The following STX8 variants were observed in gnomAD, a reference collection of about 807,000 sequenced individuals.
The protein encoded by STX8 is syntaxin 8.
In STX8, 23 loss-of-function variants were observed where a neutral mutation model predicts 37.5. The observed-to-expected ratio is 0.61, with a 90% confidence interval of 0.44 to 0.87. STX8 has a LOEUF of 0.87. Among genes scored for constraint, STX8 ranks in the 40% least tolerant of loss-of-function variants. The pLI, the probability that STX8 is intolerant of heterozygous loss-of-function variation, is 0.00. For missense variants in STX8, 313 were observed against 284.7 expected, an observed-to-expected ratio of 1.10 and a Z score of -0.71; for synonymous variants, 115 against 99.1, an observed-to-expected ratio of 1.16 and a Z score of -0.95.
At chr17:9,418,506 T>C (rs1183281002) in intron 6 of STX8, among the ~76,000 whole-genome samples, 1 of 140,678 alleles carries the variant, frequency 7.1e-6, no homozygotes, top group Non-Finnish European at 1.5e-5. Flanking sequence ...CCATGTTCTT[T>C]CCGTTTTTCT....
At chr17:9,409,249 G>A (rs7215204) in intron 6 of STX8, among the ~76,000 whole-genome samples, 75,993 of 151,908 alleles carry the variant, frequency 0.5, 19,494 homozygotes, top group African/African-American at 0.61. Context: ...GCCTTCCCCC[G>A]TGGTGCCTGC....
At chr17:9,523,756 T>C (rs541201828) in intron 4 of STX8, among the ~76,000 whole-genome samples, 16 of 152,350 alleles carry the variant, frequency 1.1e-4, no homozygotes, top group African/African-American at 3.8e-4. Flanking sequence ...TCAATACTGT[T>C]CTATGAACAA....
chr17:9,529,226 G>A lies in STX8; in HGVS notation c.323+15946C>T, dbSNP rs949297358. ...TGTTGACTTACATCTCCATCTTGTG[G>A]TCTGTTCAGGACATAGCTCTTAGAG... On this transcript the variant is annotated intron_variant, in intron 4 of 7. Transcript: ENST00000306357. Among the ~76,000 whole-genome samples the A allele has an allele frequency of 5.3e-5, 8 of 150,024 alleles. No homozygotes were observed. The East Asian group carries it at 9.9e-4, about 19-fold the overall frequency.
chr17:9,333,751 A>C (rs979432565), intron 7 of STX8, among the ~76,000 whole-genome samples: 14 of 151,504 alleles, frequency 9.2e-5, no homozygotes, highest in Non-Finnish European at 1.8e-4. Flanking sequence ...TATAACACAC[A>C]CATGTTTTTT....
intron 6 of STX8, among the ~76,000 whole-genome samples, chr17:9,400,702 G>A (rs536540324): frequency 6.6e-6 from 1 of 152,198 alleles, no homozygotes; most frequent in African/African-American, 2.4e-5. Context: ...ACCCGCGCCC[G>A]GCCGAGTCAG....
intron 6 of STX8, among the ~76,000 whole-genome samples, chr17:9,473,711 C>T (rs1286087001): frequency 1.3e-5 from 2 of 152,254 alleles, no homozygotes; most frequent in Admixed American, 1.3e-4. Flanking sequence ...GGATGCGGAA[C>T]CCACAGATAC....
chr17:9,258,733 G>C (rs1906894479), intron 7 of STX8, among the ~76,000 whole-genome samples: 1 of 152,234 alleles, frequency 6.6e-6, no homozygotes, highest in Non-Finnish European at 1.5e-5. Context: ...CAACTCTGCA[G>C]GTTTTTCTTT....
chr17:9,472,479 C>T, intron 6 of STX8, among the ~76,000 whole-genome samples: 1 of 152,208 alleles, frequency 6.6e-6, no homozygotes, highest in Non-Finnish European at 1.5e-5. Flanking sequence ...ACCAAGATTC[C>T]CCTTCCTGCA....
intron 6 of STX8, among the ~76,000 whole-genome samples, chr17:9,459,014 A>C (rs934949076): frequency 6.6e-6 from 1 of 151,790 alleles, no homozygotes; most frequent in Non-Finnish European, 1.5e-5. Context: ...TGTATTTTTT[A>C]GTAGAGACAG....
At chr17:9,567,367 T>G (rs888663891) in intron 2 of STX8, among the ~76,000 whole-genome samples, 1 of 152,348 alleles carries the variant, frequency 6.6e-6, no homozygotes, top group Middle Eastern at 3.4e-3. Flanking sequence ...TAGTCTACAC[T>G]TAAAAAGACT....
At chr17:9,325,722 T>C (rs1489393061) in intron 7 of STX8, among the ~76,000 whole-genome samples, 2 of 152,242 alleles carry the variant, frequency 1.3e-5, no homozygotes, top group Non-Finnish European at 2.9e-5. Flanking sequence ...AGTGAACATG[T>C]GTTTGCTTTC....
intron 6 of STX8, among the ~76,000 whole-genome samples, chr17:9,428,777 T>A (rs1913735742): frequency 6.6e-6 from 1 of 152,200 alleles, no homozygotes; most frequent in African/African-American, 2.4e-5. Flanking sequence ...TGGCACCATA[T>A]CTTCCAAGTT....
At chr17:9,484,770 T>A (rs1906511818) in intron 6 of STX8, among the ~76,000 whole-genome samples, 1 of 151,954 alleles carries the variant, frequency 6.6e-6, no homozygotes, top group Non-Finnish European at 1.5e-5. Context: ...GAGGTTGCCA[T>A]GAGGCGAGAT....
At chr17:9,333,438 A>G (rs926986807) in intron 7 of STX8, among the ~76,000 whole-genome samples, 9 of 152,212 alleles carry the variant, frequency 5.9e-5, no homozygotes, top group Non-Finnish European at 1.0e-4. Context: ...CCCAGGCTGG[A>G]GTGCAGTGGC....
intron 7 of STX8, among the ~76,000 whole-genome samples, chr17:9,356,929 T>G (rs868068803): frequency 3.1e-4 from 46 of 150,498 alleles, no homozygotes; most frequent in African/African-American, 1.0e-3. Flanking sequence ...TACTGCACCT[T>G]CCCCTTTTCA....
Position 9,546,590 on chromosome 17 carries a change from GGTTTTTTT to G in STX8, c.213-1316_213-1309del, listed in dbSNP as rs1330083797. The stretch of plus-strand genomic sequence containing the variant: ...CTTTCTTGATGCAAACTACAAAAGT[GGTTTTTTT>G]TTTTTTTTTTTTTTTTTGGAGACGG... On this transcript the variant is annotated intron_variant, in intron 3 of 7. Transcript: ENST00000306357. Among the ~76,000 whole-genome samples the G allele has an allele frequency of 3.1e-3, 196 of 62,242 alleles. 4 individuals are homozygous for G. The highest frequency in any genetic ancestry group is 5.0e-3 in the Admixed American group (21 of 4,202). 40.8% of individuals were successfully genotyped at this position (62,242 alleles called of 152,430 possible). A position where few individuals can be genotyped will look rare whatever the true frequency, so the allele number is the denominator to read the frequency against.
chr17:9,288,408 TC>T lies in STX8; in HGVS notation c.644-37764del, dbSNP rs536566646. 2.9e-3 allele frequency among the ~76,000 whole-genome samples: 444 copies of T among 152,046 alleles called. 5 individuals carry two copies. Among genetic ancestry groups the T allele is most frequent in the Non-Finnish European group, 3.4e-3 (232 of 67,986 alleles). ...CGGGCGCGGTGGCTCACGCCTGTAA[TC>T]CCAGCACTTTGGGAGGCCGAGACGG... On this transcript the variant is annotated intron_variant, in intron 7 of 7. Coordinates refer to ENST00000306357, the MANE Select transcript of STX8 (RefSeq NM_004853.3).
intron 6 of STX8, among the ~76,000 whole-genome samples, chr17:9,488,189 G>T (rs1567582778): frequency 1.3e-5 from 2 of 152,118 alleles, no homozygotes; most frequent in Non-Finnish European, 2.9e-5. Flanking sequence ...AGCTGGGCAT[G>T]GTGGCAGGCG....
intron 6 of STX8, among the ~76,000 whole-genome samples, chr17:9,413,426 T>C (rs1913046690): frequency 2.0e-5 from 3 of 152,172 alleles, no homozygotes; most frequent in Non-Finnish European, 2.9e-5. Context: ...TGGGAATTCT[T>C]AGGAACACAG....
Sources: gnomAD v4.1 joint callset for allele counts (sites outside exome capture counted in the v4.1 genomes callset) on GRCh38, gnomAD v4.1.1 for gene constraint, MANE v1.5 for transcripts, NCBI Gene and HGNC (gene_info 2026-07-23, HGNC 2026-07-21) for gene names.